The following COQ6 variants were observed in gnomAD, a reference collection of about 807,000 sequenced individuals.
COQ6 encodes the protein ubiquinone biosynthesis monooxygenase COQ6, mitochondrial.
A neutral mutation model predicts 55.5 loss-of-function variants in COQ6; 45 were observed. The observed-to-expected ratio is 0.81, with a 90% CI of 0.64 to 1.04. The LOEUF (loss-of-function observed/expected upper bound fraction) is 1.04. Among genes scored for constraint, COQ6 ranks in the 50% least tolerant of loss-of-function variants. The pLI, the probability that COQ6 is intolerant of heterozygous loss-of-function variation, is 0.00. For missense variants in COQ6, 550 were observed against 601.3 expected (o/e 0.91, Z 0.89); for synonymous variants, 206 against 230.5 (o/e 0.89, Z 0.96).
At chr14:73,951,980 CAAAAAAAAAAAA>C (rs71115933) in intron 1 of COQ6, among the ~76,000 whole-genome samples, 1 of 79,776 alleles carries the variant, frequency 1.3e-5, no homozygotes, top group Non-Finnish European at 2.4e-5. Flanking sequence ...CTCGATATCT[CAAAAAAAAAAAA>C]AAAAAAAAAA....
chr14:73,953,628 T>C (rs2056285773), intron 2 of COQ6, 59 bp downstream of exon 2: 1 of 1,604,718 alleles, frequency 6.2e-7, no homozygotes, highest in Admixed American at 1.7e-5. Flanking sequence ...CTTTCTAGTG[T>C]ATCCCATGGG....
At chr14:73,960,871 G>C (rs765096163) in intron 8 of COQ6, 2 of 470,634 alleles carry the variant, frequency 4.2e-6, no homozygotes, top group Non-Finnish European at 7.8e-6. Flanking sequence ...GAGGTAGAAG[G>C]ATACTGTGTG....
chr14:73,957,301 G>A (rs990879420), intron 4 of COQ6, among the ~76,000 whole-genome samples: 2 of 151,994 alleles, frequency 1.3e-5, no homozygotes, highest in African/African-American at 2.4e-5. Context: ...GTTTCACCGT[G>A]GTCTCAATCT....
chr14:73,950,253 G>C (rs1442702897), upstream of COQ6: 1 of 1,538,572 alleles, frequency 6.5e-7, no homozygotes, highest in South Asian at 1.2e-5. Flanking sequence ...GAAGCGGGAC[G>C]GGATTGGAGT....
At chr14:73,954,920 A>T (rs1594790453) in intron 2 of COQ6, among the ~76,000 whole-genome samples, 1 of 143,810 alleles carries the variant, frequency 7.0e-6, no homozygotes. Flanking sequence ...TGACCTTTTG[A>T]TCATGGAAGC....
At position 73,962,979 on chromosome 14, in the gene COQ6, A is replaced by C; in HGVS notation, c.1387A>C (p.Met463Leu). ...TTTATTTTTTCTCCAGGAACAGATT[A>C]TGGCCTTTGCAAGCAAATGAGTACT... The part of the protein sequence containing the change: ...NAVSPLKEQI[M>L]AFASK The change falls in exon 12 of 12, where the codon ATG becomes CTG. Residue 463 changes from methionine to leucine, a missense_variant. Coordinates refer to ENST00000334571, the MANE Select transcript of COQ6 (RefSeq NM_182476.3). The C allele has an allele frequency of 6.2e-7, 1 of 1,609,590 alleles. No homozygotes were observed. Among genetic ancestry groups the C allele is most frequent in the Non-Finnish European group, 8.5e-7 (1 of 1,175,912 alleles).
At chr14:73,950,622 C>CTCCT in intron 1 of COQ6, 127 bp downstream of exon 1, 1 of 1,384,630 alleles carries the variant, frequency 7.2e-7, no homozygotes. Context: ...CTCCCCTCCC[C>CTCCT]TCCTAGAGGA....
chr14:73,961,921 G>GCTCA lies in COQ6; in HGVS notation c.1377+18_1377+19insCTCA. The stretch of plus-strand genomic sequence containing the variant: ...CACTCAAAGTAAGAGGTTGCTCAGA[G>GCTCA]GAATGACTTTGCAAACAGCTCTTAA... On this transcript the variant is annotated intron_variant, in intron 11 of 11. Transcript: ENST00000334571. The GCTCA allele has an allele frequency of 6.2e-7, 1 of 1,613,898 alleles. No individual in the cohort carries two copies. The highest frequency in any genetic ancestry group is 1.3e-5 in the African/African-American group (1 of 75,038).
rs1046374166 is a variant in COQ6, at chr14:73,961,732, T to C, written c.1211-5T>C. 1 of 1,614,146 alleles carries C rather than the reference T, an allele frequency of 6.2e-7. No homozygotes were observed. On this transcript the variant is annotated splice_polypyrimidine_tract_variant and splice_region_variant and intron_variant, in intron 10 of 11. Coordinates refer to ENST00000334571, the MANE Select transcript of COQ6 (RefSeq NM_182476.3). The stretch of plus-strand genomic sequence containing the variant: ...TAGGGATTTAATCTTTCCTCTGCCC[T>C]TCAGGTTCCGTGAGCCACCTCACAG...
Position 73,953,577 on chromosome 14 carries a change from G to A in COQ6, c.298+8G>A. 1 of 1,614,184 alleles carries A rather than the reference G, an allele frequency of 6.2e-7. No individual in the cohort carries two copies. Among genetic ancestry groups the A allele is most frequent in the Non-Finnish European group, 8.5e-7 (1 of 1,180,034 alleles). On this transcript the variant is annotated splice_region_variant and intron_variant, in intron 2 of 11. Coordinates refer to ENST00000334571, the MANE Select transcript of COQ6 (RefSeq NM_182476.3). ...CTGCAACGCTTCTCAGTAGTGAGTAGAAGATCCTCCTTCAAAGATCCAATC... is the reference window on the plus strand; with the variant it reads ...CTGCAACGCTTCTCAGTAGTGAGTAAAAGATCCTCCTTCAAAGATCCAATC...
chr14:73,957,080 G>A lies in COQ6; in HGVS notation c.482-1067G>A, dbSNP rs1465226781. On this transcript the variant is annotated intron_variant, in intron 4 of 11. Coordinates refer to ENST00000334571, the MANE Select transcript of COQ6 (RefSeq NM_182476.3). The stretch of plus-strand genomic sequence containing the variant: ...TCTTTGTTGTCCAGACTTCTACAGC[G>A]AGCTTATTATTATTATTATTATTTT... 2.0e-5 allele frequency among the ~76,000 whole-genome samples: 3 copies of A among 149,728 alleles called. No homozygotes were observed. The East Asian group carries it at 5.8e-4, about 29-fold the overall frequency.
chr14:73,960,547 T>G, intron 8 of COQ6: 3 of 1,005,492 alleles, frequency 3.0e-6, no homozygotes, highest in Non-Finnish European at 3.6e-6. Context: ...TCTGGGCCAT[T>G]TAGTATATAT....
intron 8 of COQ6, chr14:73,960,152 G>A: frequency 7.1e-6 from 7 of 988,526 alleles, no homozygotes; most frequent in Non-Finnish European, 8.4e-6. Context: ...TTTCAAGCCT[G>A]ATTCATTGAA....
chr14:73,959,833 G>T, intron 8 of COQ6: 1 of 1,307,844 alleles, frequency 7.6e-7, no homozygotes, highest in East Asian at 3.5e-5. Flanking sequence ...GCCTCCCAAA[G>T]TGCTGGGATT....
At chr14:73,958,846 G>C (rs2056568649) in intron 5 of COQ6, 125 bp from the exon 6 acceptor site, 1 of 1,544,402 alleles carries the variant, frequency 6.5e-7, no homozygotes, top group Non-Finnish European at 8.7e-7. Context: ...GAGTGAAGCA[G>C]GCCTGATGGA....
At chr14:73,955,648 A>G in intron 3 of COQ6, 139 bp downstream of exon 3, 1 of 1,374,598 alleles carries the variant, frequency 7.3e-7, no homozygotes, top group South Asian at 1.2e-5. Context: ...GGGGAGAAGC[A>G]TTCCCAGGAG....
At chr14:73,956,058 C>G in intron 4 of COQ6, 130 bp downstream of exon 4, 5 of 1,360,678 alleles carry the variant, frequency 3.7e-6, no homozygotes, top group South Asian at 2.3e-5. Flanking sequence ...GGTGCGGTGG[C>G]TCACGCCTGT....
At chr14:73,950,049 CGACAGT>C, upstream of COQ6, 1 of 1,610,908 alleles carries the variant, frequency 6.2e-7, no homozygotes, top group Non-Finnish European at 8.5e-7. Flanking sequence ...GAGGCAGCAG[CGACAGT>C]GACAGCGATA....
At chr14:73,952,859 G>T (rs1224700841) in intron 1 of COQ6, among the ~76,000 whole-genome samples, 5 of 151,800 alleles carry the variant, frequency 3.3e-5, no homozygotes, top group Non-Finnish European at 7.4e-5. Context: ...TGTATTTTTA[G>T]TAGAGACGGG....
Sources: gnomAD v4.1 joint callset for allele counts (sites outside exome capture counted in the v4.1 genomes callset) on GRCh38, gnomAD v4.1.1 for gene constraint, MANE v1.5 for transcripts, NCBI Gene and HGNC (gene_info 2026-07-23, HGNC 2026-07-21) for gene names.